The following KLF8 variants were observed in gnomAD, a reference collection of about 807,000 sequenced individuals.
KLF8 encodes the protein KLF transcription factor 8.
KLF8 carries 10 observed loss-of-function variants against 18.2 expected under a neutral mutation model. The ratio of observed to expected loss-of-function variants is 0.55; its 90% confidence interval spans 0.34 to 0.93. The LOEUF (loss-of-function observed/expected upper bound fraction) is 0.93, where lower values mean the gene tolerates loss of function less well. Among genes scored for constraint, KLF8 ranks in the 40% least tolerant of loss-of-function variants. The probability of loss-of-function intolerance (pLI) is 0.02; values close to 1 mark genes in which losing one functional copy is unlikely to be tolerated. For synonymous variants in KLF8, 109 were observed against 97.3 expected, an observed-to-expected ratio of 1.12 and a Z score of -0.71; for missense variants, 264 against 277.9, an observed-to-expected ratio of 0.95 and a Z score of 0.36.
chrX:55,913,037 AT>A, the KLF8 span, among the ~76,000 whole-genome samples: 2 of 111,562 alleles, frequency 1.8e-5, no homozygotes, highest in African/African-American at 3.3e-5. Context: ...TTACAAGCAC[AT>A]TTTTTCCCTT....
At chrX:56,176,632 G>A in the KLF8 span, among the ~76,000 whole-genome samples, 2 of 110,803 alleles carry the variant, frequency 1.8e-5, no homozygotes, top group Non-Finnish European at 3.8e-5. Flanking sequence ...TGTATTTCCT[G>A]AATTTGAATG....
At chrX:56,269,589 C>G in intron 4 of KLF8, 100 bp downstream of exon 4, 3 of 1,031,567 alleles carry the variant, frequency 2.9e-6, no homozygotes, top group Non-Finnish European at 3.7e-6. Context: ...TGATCAGACA[C>G]AAGAGTAAGA....
At chrX:56,176,720 C>T in the KLF8 span, among the ~76,000 whole-genome samples, 1 of 111,462 alleles carries the variant, frequency 9.0e-6, no homozygotes, top group African/African-American at 3.3e-5. Flanking sequence ...TTCCATTCTC[C>T]CTGTCACTTT....
chrX:56,267,634 T>A (rs746477295), intron 3 of KLF8: 1 of 110,869 alleles, frequency 9.0e-6, no homozygotes, highest in Non-Finnish European at 1.9e-5. Flanking sequence ...ACAATTGGAG[T>A]GCAAGAAGAA....
chrX:56,155,309 C>T, the KLF8 span, among the ~76,000 whole-genome samples: 1 of 111,251 alleles, frequency 9.0e-6, no homozygotes, highest in Non-Finnish European at 1.9e-5. Context: ...TTTAAAGGGA[C>T]ATGCATGAAG....
intron 3 of KLF8, 62 bp downstream of exon 3, chrX:56,265,806 T>C: frequency 8.8e-7 from 1 of 1,133,337 alleles, no homozygotes; most frequent in Non-Finnish European, 1.2e-6. Flanking sequence ...AGAGTCATCC[T>C]ATCTCCTGTC....
At chrX:56,260,039 C>G in intron 2 of KLF8, among the ~76,000 whole-genome samples, 1 of 110,885 alleles carries the variant, frequency 9.0e-6, no homozygotes, top group Non-Finnish European at 1.9e-5. Flanking sequence ...CCTCTTCCAG[C>G]TTCTGGTACA....
rs1449980578 is a variant in KLF8, at chrX:56,285,809, A to G, written c.*1315A>G. The G allele has an allele frequency of 1.8e-5, 2 of 111,797 alleles. No individual in the cohort carries two copies. The highest frequency in any genetic ancestry group is 3.8e-5 in the Non-Finnish European group (2 of 53,151). 9.2% of individuals were successfully genotyped at this position (111,797 alleles called of 1,213,427 possible). A position where few individuals can be genotyped will look rare whatever the true frequency, so the allele number is the denominator to read the frequency against. Reference sequence around the variant, plus strand: ...TCCTCTGTTCCTGGCCCTGGACCACAGATCTACCTCCACATGGCATATTTC... The same window carrying G: ...TCCTCTGTTCCTGGCCCTGGACCACGGATCTACCTCCACATGGCATATTTC... On this transcript the variant is annotated 3_prime_UTR_variant, in exon 6 of 6. Coordinates refer to ENST00000468660, the MANE Select transcript of KLF8 (RefSeq NM_007250.5).
the KLF8 span, among the ~76,000 whole-genome samples, chrX:56,200,940 G>A: frequency 9.0e-6 from 1 of 111,490 alleles, no homozygotes; most frequent in African/African-American, 3.3e-5. Context: ...TGTTAGGATG[G>A]CCATTACTTT....
At chrX:56,228,110 T>C (rs1358795222), upstream of KLF8, among the ~76,000 whole-genome samples, 1 of 112,278 alleles carries the variant, frequency 8.9e-6, no homozygotes, top group Non-Finnish European at 1.9e-5. Context: ...GCAAGCAGTT[T>C]AGTTGCTGAT....
At chrX:56,039,714 T>A in the KLF8 span, among the ~76,000 whole-genome samples, 2 of 111,927 alleles carry the variant, frequency 1.8e-5, no homozygotes, top group Non-Finnish European at 3.8e-5. Flanking sequence ...CTATTTGGGC[T>A]CTTTTTTGGT....
At chrX:56,108,302 A>T in the KLF8 span, among the ~76,000 whole-genome samples, 1 of 111,730 alleles carries the variant, frequency 9.0e-6, no homozygotes, top group Non-Finnish European at 1.9e-5. Context: ...GAAAGGTTTT[A>T]TTCTTTTACT....
At chrX:56,142,451 G>C in the KLF8 span, among the ~76,000 whole-genome samples, 1 of 111,219 alleles carries the variant, frequency 9.0e-6, no homozygotes, top group Admixed American at 9.6e-5. Context: ...ACTTTGGAGT[G>C]ATACAAGGAT....
the KLF8 span, among the ~76,000 whole-genome samples, chrX:56,177,725 C>T: frequency 9.0e-6 from 1 of 111,642 alleles, no homozygotes; most frequent in African/African-American, 3.3e-5. Context: ...GCAGGCAGGC[C>T]TCCTTGAGCT....
At chrX:56,091,798 A>G in the KLF8 span, among the ~76,000 whole-genome samples, 1 of 112,087 alleles carries the variant, frequency 8.9e-6, no homozygotes, top group African/African-American at 3.2e-5. Context: ...CCTAGCTGAT[A>G]TAATGATTTA....
the KLF8 span, among the ~76,000 whole-genome samples, chrX:55,952,802 A>G: frequency 5.3e-5 from 6 of 112,165 alleles, no homozygotes; most frequent in East Asian, 1.4e-3. Context: ...TATGTCCTCT[A>G]TAACACATCA....
At chrX:55,988,251 G>A in the KLF8 span, among the ~76,000 whole-genome samples, 1 of 110,726 alleles carries the variant, frequency 9.0e-6, no homozygotes. Flanking sequence ...ATTGCTTTTG[G>A]TGTTTTAGAC....
chrX:56,228,059 C>A (rs1220137791), upstream of KLF8, among the ~76,000 whole-genome samples: 1 of 112,018 alleles, frequency 8.9e-6, no homozygotes, highest in Non-Finnish European at 1.9e-5. Context: ...GCCCATTGGC[C>A]ATTCCTAAAC....
At chrX:56,182,290 G>A in the KLF8 span, among the ~76,000 whole-genome samples, 9 of 112,102 alleles carry the variant, frequency 8.0e-5, no homozygotes, top group African/African-American at 1.6e-4. Flanking sequence ...CGTAGTTCTC[G>A]TGCCAAGGTT....
Sources: gnomAD v4.1 joint callset for allele counts (sites outside exome capture counted in the v4.1 genomes callset) on GRCh38, gnomAD v4.1.1 for gene constraint, MANE v1.5 for transcripts, NCBI Gene and HGNC (gene_info 2026-07-23, HGNC 2026-07-21) for gene names.